The following KIF5C variants were observed in gnomAD, a reference collection of about 807,000 sequenced individuals.
The protein encoded by KIF5C is kinesin heavy chain isoform 5C.
A neutral mutation model predicts 125.2 loss-of-function variants in KIF5C; 18 were observed. The ratio of observed to expected loss-of-function variants is 0.14; its 90% CI spans 0.10 to 0.21. The LOEUF (loss-of-function observed/expected upper bound fraction) is 0.21. KIF5C is among the 10% of genes least tolerant of loss of function. The pLI, the probability that KIF5C is intolerant of heterozygous loss-of-function variation, is 1.00. For synonymous variants in KIF5C, 405 were observed against 434.0 expected, an observed-to-expected ratio of 0.93 and a Z score of 0.83; for missense variants, 780 against 1,183.8, an observed-to-expected ratio of 0.66 and a Z score of 5.01.
intron 10 of KIF5C, among the ~76,000 whole-genome samples, chr2:148,959,359 T>C (rs183810253): frequency 1.7e-3 from 265 of 152,356 alleles, no homozygotes; most frequent in Non-Finnish European, 2.8e-3. Flanking sequence ...CTATTCTTTT[T>C]TTTTTCATTT....
At chr2:149,014,747 G>GT (rs1232929572) in intron 25 of KIF5C, among the ~76,000 whole-genome samples, 4 of 152,208 alleles carry the variant, frequency 2.6e-5, no homozygotes, top group African/African-American at 9.6e-5. Context: ...GTTGATACAT[G>GT]TTGGTTTATA....
intron 1 of KIF5C, among the ~76,000 whole-genome samples, chr2:148,909,022 C>T (rs1042728282): frequency 3.3e-5 from 5 of 152,134 alleles, no homozygotes; most frequent in Admixed American, 2.0e-4. Context: ...AGAGAAAAAC[C>T]GCTTCTTTCC....
intron 21 of KIF5C, among the ~76,000 whole-genome samples, chr2:149,001,955 C>T (rs940990625): frequency 6.6e-6 from 1 of 152,168 alleles, no homozygotes; most frequent in African/African-American, 2.4e-5. Flanking sequence ...ATTTGTTGGA[C>T]CTCAAAGCCA....
intron 8 of KIF5C, chr2:148,948,060 G>C (rs1682561833): frequency 4.4e-6 from 2 of 455,254 alleles, no homozygotes; most frequent in South Asian, 3.1e-5. Context: ...AATTTTACTA[G>C]TATGGGGCCG....
At chr2:149,010,055 A>G in intron 23 of KIF5C, 80 bp from the exon 24 acceptor site, 1 of 1,466,352 alleles carries the variant, frequency 6.8e-7, no homozygotes, top group South Asian at 1.4e-5. Context: ...GTTCAGCAGC[A>G]GGGGCTGCTT....
chr2:148,985,768 C>T (rs1681366575), intron 15 of KIF5C, among the ~76,000 whole-genome samples: 1 of 152,136 alleles, frequency 6.6e-6, no homozygotes, highest in South Asian at 2.1e-4. Flanking sequence ...ATCAGGCTTC[C>T]TTTTGTAGAC....
chr2:148,902,829 T>C (rs979261328), intron 1 of KIF5C, among the ~76,000 whole-genome samples: 4 of 152,232 alleles, frequency 2.6e-5, no homozygotes, highest in Non-Finnish European at 4.4e-5. Flanking sequence ...AGATGTATTA[T>C]GTATTATATT....
chr2:148,936,938 T>G (rs1214325198), intron 3 of KIF5C, among the ~76,000 whole-genome samples: 1 of 152,150 alleles, frequency 6.6e-6, no homozygotes, highest in African/African-American at 2.4e-5. Context: ...ACCCATATAT[T>G]CTCGTTCCTT....
chr2:148,952,631 T>C (rs1235276731), intron 10 of KIF5C, among the ~76,000 whole-genome samples: 1 of 152,124 alleles, frequency 6.6e-6, no homozygotes, highest in Non-Finnish European at 1.5e-5. Flanking sequence ...GTAAGCCCAG[T>C]GTTGAAGCTA....
chr2:149,019,531 T>C (rs1024359832), intron 25 of KIF5C, among the ~76,000 whole-genome samples: 1 of 152,180 alleles, frequency 6.6e-6, no homozygotes, highest in Non-Finnish European at 1.5e-5. Context: ...TGATTCCATC[T>C]ACAGCACAGT....
At chr2:148,998,582 G>T in intron 19 of KIF5C, 73 bp downstream of exon 19, 1 of 1,542,220 alleles carries the variant, frequency 6.5e-7, no homozygotes, top group Non-Finnish European at 8.8e-7. Flanking sequence ...CTGGAAGGAT[G>T]TGGCTCTTAG....
At chr2:148,877,062 C>A (rs1021647388) in intron 1 of KIF5C, among the ~76,000 whole-genome samples, 3 of 152,212 alleles carry the variant, frequency 2.0e-5, no homozygotes, top group African/African-American at 7.2e-5. Context: ...CAGAGGCCGA[C>A]GTTTTCCAGC....
At chr2:149,005,562 G>C (rs1295013008) in intron 22 of KIF5C, 98 bp downstream of exon 22, 8 of 1,519,238 alleles carry the variant, frequency 5.3e-6, no homozygotes, top group African/African-American at 1.4e-5. Context: ...GTCGGGGCTG[G>C]TTATGCTTAA....
chr2:148,948,675 G>A (rs1029684569), intron 8 of KIF5C, among the ~76,000 whole-genome samples: 9 of 148,836 alleles, frequency 6.0e-5, no homozygotes, highest in Middle Eastern at 3.5e-3. Context: ...TTTAGTTCCC[G>A]TCTCCCCTGA....
intron 16 of KIF5C, among the ~76,000 whole-genome samples, chr2:148,993,177 A>G (rs545586206): frequency 2.6e-5 from 4 of 152,186 alleles, no homozygotes; most frequent in Non-Finnish European, 1.5e-5. Context: ...TCAGATGGAC[A>G]TGTTCCTTTG....
rs560482096 is a variant in KIF5C at position 148,931,238 on chromosome 2, T to C, written c.291+1884T>C. ...CTTGGAATGCTTACAATAGTGACCT[T>C]TTAAGCTTTGGGATTAGAAAATATA... is the stretch of plus-strand genomic sequence containing the variant. On this transcript the variant is annotated intron_variant, in intron 3 of 25. Coordinates refer to ENST00000435030, the MANE Select transcript of KIF5C (RefSeq NM_004522.3). 3.3e-5 allele frequency among the ~76,000 whole-genome samples: 5 copies of C among 152,278 alleles called. No homozygotes were observed. In the South Asian group the frequency reaches 1.0e-3, roughly 32 times the overall value.
chr2:148,921,524 C>T (rs886881230), intron 1 of KIF5C, among the ~76,000 whole-genome samples: 2 of 152,198 alleles, frequency 1.3e-5, no homozygotes, highest in Admixed American at 6.5e-5. Context: ...TTCTTGCCCT[C>T]CAGTTCCTTG....
intron 1 of KIF5C, among the ~76,000 whole-genome samples, chr2:148,889,911 G>C (rs564622882): frequency 6.6e-6 from 1 of 152,214 alleles, no homozygotes; most frequent in Non-Finnish European, 1.5e-5. Context: ...GGTGGAAAAA[G>C]AGAGGAAAGG....
chr2:149,014,684 T>G lies in KIF5C; in HGVS notation c.*7+3001T>G, dbSNP rs1295143804. ...GTCATGCTTCTAAGCCCATAACAATTGCTCAATAAAAATGTTAGCTGCTAG... is the reference window on the plus strand; with the variant it reads ...GTCATGCTTCTAAGCCCATAACAATGGCTCAATAAAAATGTTAGCTGCTAG... On this transcript the variant is annotated intron_variant, in intron 25 of 25. Coordinates refer to ENST00000435030, the MANE Select transcript of KIF5C (RefSeq NM_004522.3). 3.3e-5 allele frequency among the ~76,000 whole-genome samples: 5 copies of G among 152,372 alleles called. No individual in the cohort carries two copies. In the East Asian group the frequency reaches 9.6e-4, roughly 29 times the overall value.
Sources: gnomAD v4.1 joint callset for allele counts (sites outside exome capture counted in the v4.1 genomes callset) on GRCh38, gnomAD v4.1.1 for gene constraint, MANE v1.5 for transcripts, NCBI Gene and HGNC (gene_info 2026-07-23, HGNC 2026-07-21) for gene names.